RASSF2: variants seen among roughly 807,000 people sequenced by gnomAD.
The protein encoded by RASSF2 is Ras association domain family member 2, also known as ras association domain-containing protein 2.
RASSF2 carries 34 observed loss-of-function variants against 46.3 expected under a neutral mutation model. The observed-to-expected ratio is 0.73, with a 90% CI of 0.56 to 0.98. The LOEUF (loss-of-function observed/expected upper bound fraction) is 0.98, where lower values mean the gene tolerates loss of function less well. Among genes scored for constraint, RASSF2 ranks in the 50% least tolerant of loss-of-function variants. RASSF2 has a pLI of 0.00. For synonymous variants in RASSF2, 158 were observed against 162.5 expected, an observed-to-expected ratio of 0.97 and a Z score of 0.21; for missense variants, 364 against 431.2, an observed-to-expected ratio of 0.84 and a Z score of 1.38.
intron 2 of RASSF2, chr20:4,815,253 C>CTCGT (rs1928205097): frequency 6.6e-6 from 1 of 152,344 alleles, no homozygotes; most frequent in South Asian, 2.1e-4. Context: ...GCAAACTCTG[C>CTCGT]CTCAGCAGCC....
At chr20:4,794,397 C>T (rs1926159736) in intron 5 of RASSF2, among the ~76,000 whole-genome samples, 1 of 152,018 alleles carries the variant, frequency 6.6e-6, no homozygotes, top group Non-Finnish European at 1.5e-5. Flanking sequence ...GATGAAACCC[C>T]CTCTCTACCA....
intron 2 of RASSF2, among the ~76,000 whole-genome samples, chr20:4,811,190 T>TA (rs1359986021): frequency 4.3e-5 from 3 of 70,486 alleles, no homozygotes; most frequent in South Asian, 4.0e-4. Context: ...CTACAAAAAA[T>TA]AAAAAAATAA....
chr20:4,822,694 A>T lies in RASSF2; in HGVS notation c.-107-291T>A, dbSNP rs112217651. On this transcript the variant is annotated intron_variant, in intron 1 of 11. Transcript: ENST00000379400. ...GGCTGAGGTCCCAGCGACCTCAGGCACCAGCTCCGAAGGAGGGCGGGGAGA... is the reference window on the plus strand; with the variant it reads ...GGCTGAGGTCCCAGCGACCTCAGGCTCCAGCTCCGAAGGAGGGCGGGGAGA... 4.1e-3 allele frequency among the ~76,000 whole-genome samples: 630 copies of T among 152,350 alleles called. 6 individuals carry two copies. Among genetic ancestry groups the T allele is most frequent in the African/African-American group, 0.014 (599 of 41,596 alleles).
chr20:4,800,841 C>T (rs1464318915), intron 3 of RASSF2, 131 bp downstream of exon 3: 1 of 761,020 alleles, frequency 1.3e-6, no homozygotes, highest in Admixed American at 2.2e-5. Context: ...TGCTTGGCTC[C>T]TTCCCCCATG....
intron 2 of RASSF2, among the ~76,000 whole-genome samples, chr20:4,810,499 GT>G (rs1191303917): frequency 6.6e-6 from 1 of 152,118 alleles, no homozygotes; most frequent in Non-Finnish European, 1.5e-5. Context: ...CCTGGAGAAC[GT>G]GCCACCTTTC....
rs531135202 is a variant in RASSF2, at chr20:4,791,130, G to C, written c.377-519C>G. 2.0e-5 allele frequency among the ~76,000 whole-genome samples: 3 copies of C among 152,302 alleles called. No individual in the cohort carries two copies. In the East Asian group the frequency reaches 5.8e-4, roughly 29 times the overall value. ...ATACTGAATGATTCCACTTATATGA[G>C]ATACTTAGAGTGTACCTCATATAAG... On this transcript the variant is annotated intron_variant, in intron 6 of 11. Transcript: ENST00000379400.
At chr20:4,786,512 C>T (rs1003922120) in intron 10 of RASSF2, among the ~76,000 whole-genome samples, 184 bp from the exon 11 acceptor site, 9 of 152,174 alleles carry the variant, frequency 5.9e-5, no homozygotes, top group East Asian at 3.9e-4. Context: ...CTGCGATGAT[C>T]GCTTCGCTTA....
At chr20:4,820,006 G>T (rs1469980847) in intron 2 of RASSF2, among the ~76,000 whole-genome samples, 1 of 152,192 alleles carries the variant, frequency 6.6e-6, no homozygotes, top group Non-Finnish European at 1.5e-5. Flanking sequence ...TTTAGAGTCT[G>T]CCATCCCAGA....
At chr20:4,788,721 T>G (rs1275649300) in intron 8 of RASSF2, among the ~76,000 whole-genome samples, 1 of 152,208 alleles carries the variant, frequency 6.6e-6, no homozygotes, top group African/African-American at 2.4e-5. Context: ...CCATAAAAAA[T>G]GGATTATAAT....
At chr20:4,819,023 C>T (rs1308580213) in intron 2 of RASSF2, among the ~76,000 whole-genome samples, 3 of 152,194 alleles carry the variant, frequency 2.0e-5, no homozygotes, top group African/African-American at 4.8e-5. Context: ...AGCACAATGG[C>T]GAGATCTCAG....
Position 4,795,631 on chromosome 20 carries a change from C to T in RASSF2, c.287+184G>A. 1.6e-6 allele frequency: 1 copy of T among 617,016 alleles called. No homozygotes were observed. Among genetic ancestry groups the T allele is most frequent in the South Asian group, 2.4e-5 (1 of 41,460 alleles). 38.2% of individuals were successfully genotyped at this position (617,016 alleles called of 1,614,324 possible). On this transcript the variant is annotated intron_variant, in intron 5 of 11. Coordinates refer to ENST00000379400, the MANE Select transcript of RASSF2 (RefSeq NM_014737.3). This position sits in a 1 kb window ranked among gnomAD's most constrained non-coding sequence, Gnocchi z 4.0. The stretch of plus-strand genomic sequence containing the variant: ...AGTGATTGCAGTGACAGGAAGGGGG[C>T]TCAATCACAACCACATCTGCTGCTT...
chr20:4,820,408 G>T (rs573678315), intron 2 of RASSF2, among the ~76,000 whole-genome samples: 1 of 152,152 alleles, frequency 6.6e-6, no homozygotes, highest in Non-Finnish European at 1.5e-5. Flanking sequence ...CTCCTCAAGA[G>T]GCTGAGGTGG....
In RASSF2 at chr20:4,790,623, G is replaced by T; in HGVS notation, c.377-12C>A. The stretch of plus-strand genomic sequence containing the variant: ...CAGGCCCCTGGAGTCTGAGAGAGGA[G>T]AGGGAAATGAACTCTGTCTGTCTGG... On this transcript the variant is annotated splice_polypyrimidine_tract_variant and intron_variant, in intron 6 of 11. Transcript: ENST00000379400. This position sits in a 1 kb window ranked among gnomAD's most constrained non-coding sequence, Gnocchi z 4.3. 6.6e-7 allele frequency: 1 copy of T among 1,515,104 alleles called. No homozygotes were observed. The highest frequency in any genetic ancestry group is 8.7e-7 in the Non-Finnish European group (1 of 1,143,662). 93.9% of individuals were successfully genotyped at this position (1,515,104 alleles called of 1,614,324 possible). A position where few individuals can be genotyped will look rare whatever the true frequency, so the allele number is the denominator to read the frequency against.
intron 2 of RASSF2, among the ~76,000 whole-genome samples, chr20:4,807,050 T>C (rs6116522): frequency 0.24 from 37,140 of 152,024 alleles, 4,817 homozygotes; most frequent in African/African-American, 0.29. Context: ...CAGAAAAAAA[T>C]AGCCAGAGCA....
intron 2 of RASSF2, among the ~76,000 whole-genome samples, chr20:4,819,221 CCAAAG>C (rs1928536562): frequency 6.6e-6 from 1 of 152,178 alleles, no homozygotes; most frequent in African/African-American, 2.4e-5. Flanking sequence ...CCTCGGCCTC[CCAAAG>C]TGCTGGGATT....
chr20:4,793,370 C>A (rs1372560699), intron 5 of RASSF2, among the ~76,000 whole-genome samples: 1 of 152,172 alleles, frequency 6.6e-6, no homozygotes, highest in African/African-American at 2.4e-5. Context: ...TAGGAACAAC[C>A]CATGGTGAGA....
intron 3 of RASSF2, among the ~76,000 whole-genome samples, chr20:4,799,709 A>T (rs1926700592): frequency 6.6e-6 from 1 of 152,252 alleles, no homozygotes; most frequent in Non-Finnish European, 1.5e-5. Context: ...TCCCTGGGGA[A>T]ATCTGTCCAC....
At chr20:4,822,783 G>A (rs1269828581) in intron 1 of RASSF2, among the ~76,000 whole-genome samples, 1 of 152,144 alleles carries the variant, frequency 6.6e-6, no homozygotes, top group Non-Finnish European at 1.5e-5. Context: ...TCTGAAGCGC[G>A]CCGCCTCCCC....
chr20:4,817,019 T>G (rs1459628586), intron 2 of RASSF2, among the ~76,000 whole-genome samples: 2 of 152,134 alleles, frequency 1.3e-5, no homozygotes, highest in East Asian at 3.9e-4. Context: ...GCAGGAGAAT[T>G]GCTTGCACCC....
Sources: allele counts gnomAD v4.1 joint callset (sites outside exome capture counted in the v4.1 genomes callset), GRCh38; gene constraint gnomAD v4.1.1; non-coding constraint Gnocchi (gnomAD v3.1); transcripts MANE v1.5; gene names NCBI Gene and HGNC (gene_info 2026-07-23, HGNC 2026-07-21).